The following INPP5D variants were observed in gnomAD, a reference collection of about 807,000 sequenced individuals.
INPP5D encodes the protein phosphatidylinositol 3,4,5-trisphosphate 5-phosphatase 1.
Under a neutral mutation model 122.9 loss-of-function variants are expected in INPP5D, and 33 were observed. That is an observed-to-expected ratio of 0.27 (90% CI 0.20 to 0.36). The LOEUF is 0.36. Ranked by LOEUF, INPP5D falls within the 10% of genes least tolerant of loss-of-function variation. INPP5D has a pLI of 1.00. For missense variants in INPP5D, 1,053 were observed against 1,412.7 expected (o/e 0.75, Z 4.08); for synonymous variants, 584 against 576.2 (o/e 1.01, Z -0.19).
At chr2:233,116,636 G>C (rs549811596) in intron 2 of INPP5D, among the ~76,000 whole-genome samples, 21 of 148,568 alleles carry the variant, frequency 1.4e-4, no homozygotes, top group African/African-American at 5.2e-4. Context: ...TCACTCTGTC[G>C]CCCAGGCTGG....
chr2:233,184,164 C>T (rs549544219), intron 19 of INPP5D, among the ~76,000 whole-genome samples: 8 of 152,246 alleles, frequency 5.3e-5, no homozygotes, highest in South Asian at 2.1e-4. Flanking sequence ...AAATGAGGTC[C>T]GGACTCCTGG....
Position 233,160,249 on chromosome 2 carries a change from C to G in INPP5D, c.1138-1475C>G, listed in dbSNP as rs1266589460. ...AAATTTCTGTCTTTGCAGGTTGAAA[C>G]AGTCAAACACTGGTCATGTCATATG... On this transcript the variant is annotated intron_variant, in intron 10 of 26. Coordinates refer to ENST00000445964, the MANE Select transcript of INPP5D (RefSeq NM_001017915.3). The surrounding 1 kb of genome is among the most constrained non-coding windows in gnomAD (Gnocchi z 4.2). 6.6e-6 allele frequency among the ~76,000 whole-genome samples: 1 copy of G among 152,198 alleles called. No homozygotes were observed. The highest frequency in any genetic ancestry group is 1.5e-5 in the Non-Finnish European group (1 of 68,038).
intron 2 of INPP5D, among the ~76,000 whole-genome samples, chr2:233,090,962 G>GA (rs112631725): frequency 0.013 from 1,132 of 86,600 alleles, 12 homozygotes; most frequent in African/African-American, 0.035. Context: ...CCGTCTCAAA[G>GA]AAAAAAAAAA....
intron 25 of INPP5D, among the ~76,000 whole-genome samples, chr2:233,201,028 AAG>A (rs1053880340): frequency 6.6e-6 from 1 of 151,934 alleles, no homozygotes; most frequent in South Asian, 2.1e-4. Flanking sequence ...GGAAGTCAGG[AAG>A]AGAGAGAGAA....
chr2:233,168,489 A>G (rs985868745), intron 13 of INPP5D, among the ~76,000 whole-genome samples: 3 of 152,246 alleles, frequency 2.0e-5, no homozygotes, highest in African/African-American at 4.8e-5. Context: ...TTTGGGCCAC[A>G]CAACTGTCAC....
At chr2:233,094,962 G>A (rs1443513452) in intron 2 of INPP5D, among the ~76,000 whole-genome samples, 3 of 152,116 alleles carry the variant, frequency 2.0e-5, no homozygotes, top group African/African-American at 7.2e-5. Context: ...ATATATATAC[G>A]AGGACACCCA....
intron 6 of INPP5D, among the ~76,000 whole-genome samples, chr2:233,144,818 T>A (rs1693716814): frequency 6.6e-6 from 1 of 151,972 alleles, no homozygotes; most frequent in African/African-American, 2.4e-5. Context: ...ACTCTGGTGG[T>A]GCTGTTGAAG....
intron 2 of INPP5D, among the ~76,000 whole-genome samples, chr2:233,088,936 G>A (rs1294172672): frequency 6.6e-6 from 1 of 152,188 alleles, no homozygotes; most frequent in African/African-American, 2.4e-5. Context: ...GGTCATGGAG[G>A]ACAGAGGCAC....
chr2:233,126,740 C>T (rs1252296772), intron 4 of INPP5D, among the ~76,000 whole-genome samples: 3 of 152,026 alleles, frequency 2.0e-5, no homozygotes, highest in Non-Finnish European at 4.4e-5. Flanking sequence ...ACCAACATGG[C>T]AAAACCCCTT....
chr2:233,148,345 G>A (rs1693823655), intron 9 of INPP5D, among the ~76,000 whole-genome samples: 3 of 144,958 alleles, frequency 2.1e-5, no homozygotes, highest in Admixed American at 6.9e-5. Context: ...ACAGGGCAAA[G>A]GGGTAGAGGT....
chr2:233,113,380 A>G (rs1326855576), intron 2 of INPP5D, among the ~76,000 whole-genome samples: 1 of 152,144 alleles, frequency 6.6e-6, no homozygotes, highest in African/African-American at 2.4e-5. Flanking sequence ...GAACCAATAA[A>G]ATGTTTTTAA....
rs140392015 is a variant in INPP5D at position 233,129,884 on chromosome 2, TTGTGTGTGTGTG to T, written c.525-601_525-590del. Among the ~76,000 whole-genome samples the T allele has an allele frequency of 9.7e-3, 1,453 of 149,826 alleles. 10 individuals carry two copies. Among genetic ancestry groups the T allele is most frequent in the Admixed American group, 0.016 (241 of 15,024 alleles). On this transcript the variant is annotated intron_variant, in intron 4 of 26. Transcript: ENST00000445964. The stretch of plus-strand genomic sequence containing the variant: ...ACTTTCCAAAGCTTTTGGCCTCCTT[TTGTGTGTGTGTG>T]TGTGTGTGTGTGTGTGTGTGTGAGA...
Position 233,147,608 on chromosome 2 carries a change from TG to T in INPP5D, c.1030+15del. On this transcript the variant is annotated intron_variant, in intron 9 of 26. Transcript: ENST00000445964. The stretch of plus-strand genomic sequence containing the variant: ...GCCACAAGAAAAGTAAGACCCCTCG[TG>T]CCTATCAACCACTGCCCCTCACCTG... 2.8e-6 allele frequency: 2 copies of T among 703,610 alleles called. No individual in the cohort carries two copies. The highest frequency in any genetic ancestry group is 5.2e-6 in the Non-Finnish European group (2 of 384,448). The allele number at this position is 703,610 out of a possible 1,614,324, so 43.6% of individuals were successfully genotyped here.
intron 13 of INPP5D, chr2:233,168,910 G>A (rs1244030876): frequency 4.8e-6 from 1 of 209,392 alleles, no homozygotes; most frequent in Non-Finnish European, 9.8e-6. Flanking sequence ...AAAAAGGTAT[G>A]ATCTCAGTGT....
At chr2:233,143,860 A>G (rs903171855) in intron 6 of INPP5D, among the ~76,000 whole-genome samples, 7 of 141,062 alleles carry the variant, frequency 5.0e-5, no homozygotes, top group African/African-American at 1.9e-4. Context: ...TCATGATCAT[A>G]TGGGAGTGAT....
chr2:233,077,501 A>T (rs978502956), intron 1 of INPP5D, among the ~76,000 whole-genome samples: 2 of 152,068 alleles, frequency 1.3e-5, no homozygotes, highest in African/African-American at 4.8e-5. Flanking sequence ...CTCTACTAAA[A>T]ATACAAAATT....
chr2:233,204,353 C>A lies in INPP5D; in HGVS notation c.3203C>A (p.Ala1068Asp), dbSNP rs775635451. Residue 1068 changes from alanine to aspartate, a missense_variant, in exon 26 of 27, where the codon GCT (alanine) becomes GAT (aspartate). Physicochemically the swap from Ala to Asp is moderately radical, Grantham distance 126. This residue lies in a region of INPP5D where 417 missense variants were observed against 425.8 expected (regional missense o/e 0.98). Coordinates refer to ENST00000445964, the MANE Select transcript of INPP5D (RefSeq NM_001017915.3). ...ATCGTGCTCACCAAAGCCCAGGAGG[C>A]TGATCGCGGCGAGGGGCCCGGCAAG... ...PSIVLTKAQE[A>D]DRGEGPGKQV... is the part of the protein sequence containing the mutation. 1.1e-4 allele frequency: 183 copies of A among 1,610,096 alleles called. No homozygotes were observed. The highest frequency in any genetic ancestry group is 1.5e-4 in the Non-Finnish European group (178 of 1,178,214).
intron 5 of INPP5D, among the ~76,000 whole-genome samples, chr2:233,136,948 T>C (rs977927184): frequency 5.9e-5 from 9 of 152,202 alleles, no homozygotes; most frequent in Non-Finnish European, 8.8e-5. Context: ...ATGGAACACA[T>C]AGTTTACGTA....
At chr2:233,168,953 A>G (rs1049951108) in intron 13 of INPP5D, 2 of 255,420 alleles carry the variant, frequency 7.8e-6, no homozygotes, top group South Asian at 1.1e-4. Context: ...ACTTGAGTTC[A>G]CTGGGAGGGA....
Sources: allele counts gnomAD v4.1 joint callset (sites outside exome capture counted in the v4.1 genomes callset), GRCh38; gene constraint gnomAD v4.1.1; regional missense constraint gnomAD v4.1.1; non-coding constraint Gnocchi (gnomAD v3.1); transcripts MANE v1.5; gene names NCBI Gene and HGNC (gene_info 2026-07-23, HGNC 2026-07-21).